ATP5MK: variants seen among roughly 807,000 people sequenced by gnomAD.
The protein encoded by ATP5MK is ATP synthase membrane subunit k.
Under a neutral mutation model 6.6 loss-of-function variants are expected in ATP5MK, and 5 were observed. The ratio of observed to expected loss-of-function variants is 0.76; its 90% CI spans 0.40 to 1.60. ATP5MK has a LOEUF of 1.60. Ranked by LOEUF, ATP5MK falls within the 40% of genes most tolerant of loss-of-function variation. The probability of loss-of-function intolerance (pLI) is 0.02; values close to 1 mark genes in which losing one functional copy is unlikely to be tolerated. For synonymous variants in ATP5MK, 30 were observed against 24.5 expected (o/e 1.22, Z -0.66); for missense variants, 57 against 66.6 (o/e 0.86, Z 0.50).
rs762898380 is a variant in ATP5MK, at chr10:103,395,104, TGGAG to T, written c.-10+638_-10+641del. ...GAGGAGGACTCTTGAGAGGCTCAAATGGAGGGCCAAATGGGGAACGGGATTGTTG... is the reference window on the plus strand; with the variant it reads ...GAGGAGGACTCTTGAGAGGCTCAAATGGCCAAATGGGGAACGGGATTGTTG... On this transcript the variant is annotated intron_variant, in intron 2 of 4. Transcript: ENST00000369815. Among the ~76,000 whole-genome samples, 9 of 152,108 alleles carry T rather than the reference TGGAG, an allele frequency of 5.9e-5. No individual in the cohort carries two copies. In the South Asian group the frequency reaches 1.9e-3, roughly 31 times the overall value.
chr10:103,391,382 G>A (rs1335746894), intron 4 of ATP5MK, among the ~76,000 whole-genome samples: 1 of 152,186 alleles, frequency 6.6e-6, no homozygotes, highest in African/African-American at 2.4e-5. Flanking sequence ...TTTATAAACA[G>A]ACATGCATTC....
At chr10:103,390,713 C>T (rs2093411948) in intron 4 of ATP5MK, among the ~76,000 whole-genome samples, 1 of 151,950 alleles carries the variant, frequency 6.6e-6, no homozygotes, top group African/African-American at 2.4e-5. Context: ...ATTGTTTGAA[C>T]CGGGAGGCAG....
chr10:103,393,826 T>G (rs1248348344), intron 2 of ATP5MK, among the ~76,000 whole-genome samples: 2 of 152,186 alleles, frequency 1.3e-5, no homozygotes, highest in Non-Finnish European at 2.9e-5. Context: ...GATTAAAAAA[T>G]GATGGTTTCC....
chr10:103,390,485 GTC>G (rs2093411087), intron 4 of ATP5MK, among the ~76,000 whole-genome samples: 1 of 148,922 alleles, frequency 6.7e-6, no homozygotes, highest in African/African-American at 2.5e-5. Context: ...CAGAGCTAGA[GTC>G]TCAAAAAGAA....
intron 4 of ATP5MK, among the ~76,000 whole-genome samples, chr10:103,390,859 C>A (rs919221302): frequency 2.0e-5 from 3 of 151,720 alleles, no homozygotes; most frequent in African/African-American, 7.3e-5. Flanking sequence ...TTCCACATAT[C>A]ACCCATTGCC....
intron 4 of ATP5MK, 102 bp downstream of exon 4, chr10:103,392,089 A>C: frequency 9.4e-7 from 1 of 1,067,094 alleles, no homozygotes; most frequent in South Asian, 1.6e-5. Flanking sequence ...GTATGCTATA[A>C]ATTTTGCAAA....
chr10:103,394,472 T>C, intron 2 of ATP5MK: 4 of 402,084 alleles, frequency 9.9e-6, no homozygotes, highest in South Asian at 8.1e-5. Context: ...TCAAAGGCTT[T>C]CAGAGGCATT....
chr10:103,393,717 C>T (rs2093421643), intron 2 of ATP5MK, among the ~76,000 whole-genome samples: 1 of 152,020 alleles, frequency 6.6e-6, no homozygotes. Flanking sequence ...GGAATTTACC[C>T]TTATTGAAAT....
At chr10:103,394,282 T>TG (rs1322329270) in intron 2 of ATP5MK, 1 of 533,754 alleles carries the variant, frequency 1.9e-6, no homozygotes, top group Non-Finnish European at 3.9e-6. Context: ...AAAATTCGTA[T>TG]GCATGACCGC....
intron 1 of ATP5MK, 171 bp from the exon 2 acceptor site, chr10:103,396,203 C>G (rs1396104138): frequency 6.6e-6 from 1 of 152,304 alleles, no homozygotes; most frequent in Non-Finnish European, 1.5e-5. Context: ...TGTGGGAGCC[C>G]TTGGGCGCAC....
chr10:103,391,246 T>C (rs779946209), intron 4 of ATP5MK, among the ~76,000 whole-genome samples: 17 of 152,192 alleles, frequency 1.1e-4, no homozygotes, highest in South Asian at 2.1e-4. Flanking sequence ...TACCTCATAA[T>C]TGGGAAAGCA....
At chr10:103,393,462 C>T (rs1313324088) in intron 2 of ATP5MK, among the ~76,000 whole-genome samples, 1 of 151,852 alleles carries the variant, frequency 6.6e-6, no homozygotes, top group Admixed American at 6.6e-5. Flanking sequence ...CGCCTGTAGT[C>T]CCAGCTACTC....
chr10:103,389,807 C>A (rs2093408637), intron 4 of ATP5MK, among the ~76,000 whole-genome samples: 1 of 152,060 alleles, frequency 6.6e-6, no homozygotes, highest in Admixed American at 6.6e-5. Flanking sequence ...TCTCGGCTCA[C>A]TGCAACCTCT....
intron 2 of ATP5MK, among the ~76,000 whole-genome samples, chr10:103,393,443 G>A (rs914967896): frequency 4.6e-5 from 7 of 152,034 alleles, no homozygotes; most frequent in African/African-American, 1.4e-4. Flanking sequence ...AGCCGGGCGT[G>A]GTGGTGGGCG....
intron 4 of ATP5MK, among the ~76,000 whole-genome samples, chr10:103,390,944 A>G (rs190716487): frequency 1.2e-3 from 186 of 152,376 alleles, no homozygotes; most frequent in Non-Finnish European, 1.9e-3. Context: ...TGGGGATTTA[A>G]GGAAAAGACA....
At chr10:103,390,833 A>T (rs1478408033) in intron 4 of ATP5MK, among the ~76,000 whole-genome samples, 1 of 152,090 alleles carries the variant, frequency 6.6e-6, no homozygotes, top group Non-Finnish European at 1.5e-5. Context: ...TCAGATGAAG[A>T]TCTGGCATTT....
At chr10:103,389,925 T>C (rs1210292723) in intron 4 of ATP5MK, among the ~76,000 whole-genome samples, 2 of 150,336 alleles carry the variant, frequency 1.3e-5, no homozygotes, top group African/African-American at 2.4e-5. Flanking sequence ...AGAGATGGGG[T>C]TTCACCATGT....
chr10:103,392,310 A>G (rs1009402248), intron 3 of ATP5MK, 27 bp from the exon 4 acceptor site: 1 of 1,600,474 alleles, frequency 6.2e-7, no homozygotes, highest in Non-Finnish European at 8.5e-7. Flanking sequence ...AAAGTAAACA[A>G]GACTTGTTGT....
At chr10:103,396,293 C>A (rs1422325921) in intron 1 of ATP5MK, 116 bp downstream of exon 1, 1 of 152,294 alleles carries the variant, frequency 6.6e-6, no homozygotes, top group Non-Finnish European at 1.5e-5. Flanking sequence ...TTTCCCATTC[C>A]CCACCGTTTC....
Sources: gnomAD v4.1 joint callset for allele counts (sites outside exome capture counted in the v4.1 genomes callset) on GRCh38, gnomAD v4.1.1 for gene constraint, MANE v1.5 for transcripts, NCBI Gene and HGNC (gene_info 2026-07-23, HGNC 2026-07-21) for gene names.